The following KCNT2 variants were observed in gnomAD, a reference collection of about 807,000 sequenced individuals.
The protein encoded by KCNT2 is potassium channel subfamily T member 2.
KCNT2 carries 67 observed loss-of-function variants against 153.8 expected under a neutral mutation model. That is an observed-to-expected ratio of 0.44 (90% CI 0.36 to 0.53). The LOEUF (loss-of-function observed/expected upper bound fraction) is 0.53. Among genes scored for constraint, KCNT2 ranks in the 20% least tolerant of loss-of-function variants. KCNT2 has a pLI of 0.00. For missense variants in KCNT2, 975 were observed against 1,354.8 expected, an observed-to-expected ratio of 0.72 and a Z score of 4.40; for synonymous variants, 500 against 458.8, an observed-to-expected ratio of 1.09 and a Z score of -1.15.
At chr1:196,318,927 A>T (rs905849823) in intron 20 of KCNT2, among the ~76,000 whole-genome samples, 20 of 151,674 alleles carry the variant, frequency 1.3e-4, no homozygotes, top group African/African-American at 4.3e-4. Context: ...TTTTATTTTT[A>T]TATATATTTT....
intron 1 of KCNT2, among the ~76,000 whole-genome samples, chr1:196,562,649 G>T (rs1201970582): frequency 1.3e-5 from 2 of 151,600 alleles, no homozygotes; most frequent in Admixed American, 1.3e-4. Context: ...TAATAAATTG[G>T]TCATGATATC....
At chr1:196,578,482 T>C (rs1661636463) in intron 1 of KCNT2, among the ~76,000 whole-genome samples, 1 of 152,096 alleles carries the variant, frequency 6.6e-6, no homozygotes, top group South Asian at 2.1e-4. Context: ...CACAGAGCAC[T>C]GGAGGATGAA....
At chr1:196,426,991 A>T (rs1673711448) in intron 10 of KCNT2, among the ~76,000 whole-genome samples, 1 of 152,024 alleles carries the variant, frequency 6.6e-6, no homozygotes, top group South Asian at 2.1e-4. Context: ...ATCGTAAGCC[A>T]ATTAAATCTC....
chr1:196,326,643 C>T (rs894067049), intron 19 of KCNT2, 74 bp downstream of exon 19: 20 of 773,198 alleles, frequency 2.6e-5, no homozygotes, highest in Non-Finnish European at 5.9e-6. Flanking sequence ...ATATTACAGG[C>T]AATTATTTTT....
intron 13 of KCNT2, among the ~76,000 whole-genome samples, chr1:196,385,871 A>G (rs1669935406): frequency 6.6e-6 from 1 of 152,020 alleles, no homozygotes; most frequent in African/African-American, 2.4e-5. Flanking sequence ...GGATTGCCCC[A>G]AATAACTCTT....
intron 1 of KCNT2, among the ~76,000 whole-genome samples, chr1:196,562,403 C>T (rs903441044): frequency 3.3e-5 from 5 of 151,800 alleles, no homozygotes; most frequent in South Asian, 2.1e-4. Flanking sequence ...ACCTCCTTAC[C>T]ATCATGGCCT....
chr1:196,439,808 T>C (rs1675061966), intron 8 of KCNT2, among the ~76,000 whole-genome samples: 1 of 151,902 alleles, frequency 6.6e-6, no homozygotes. Context: ...TCCAAAACAA[T>C]AGTAATATGG....
chr1:196,493,867 TTTG>T (rs1224962397), intron 1 of KCNT2, among the ~76,000 whole-genome samples: 1 of 135,400 alleles, frequency 7.4e-6, no homozygotes, highest in Non-Finnish European at 1.8e-5. Context: ...TCTGACTTAC[TTTG>T]TTTTTTCTTC....
chr1:196,280,812 A>G (rs200667244), intron 25 of KCNT2, 48 bp downstream of exon 25: 2 of 1,515,618 alleles, frequency 1.3e-6, no homozygotes, highest in Non-Finnish European at 1.8e-6. Context: ...GAATGATTGC[A>G]CTCATCAGAT....
rs1665705964 is a variant in KCNT2, at chr1:196,342,240, G to GCACACACACATA, written c.1404-24_1404-13dup. Reference sequence around the variant, plus strand: ...ATTGCTGGCCTTCTCTGCAACACAGGCACACACACATACACACACACAAAA... The same window carrying GCACACACACATA: ...ATTGCTGGCCTTCTCTGCAACACAGGCACACACACATACACACACACATACACACACACAAAA... On this transcript the variant is annotated splice_polypyrimidine_tract_variant and intron_variant, in intron 14 of 27. Transcript: ENST00000294725. The GCACACACACATA allele has an allele frequency of 1.0e-5, 16 of 1,606,204 alleles. No individual in the cohort carries two copies. The highest frequency in any genetic ancestry group is 1.3e-5 in the Non-Finnish European group (15 of 1,176,006).
At chr1:196,502,532 T>C (rs1680787415) in intron 1 of KCNT2, among the ~76,000 whole-genome samples, 1 of 152,138 alleles carries the variant, frequency 6.6e-6, no homozygotes, top group South Asian at 2.1e-4. Flanking sequence ...GGAAATAAAA[T>C]GGGATAAATA....
Position 196,269,357 on chromosome 1 carries a change from ATG to A in KCNT2, c.2911-10865_2911-10864del, listed in dbSNP as rs142861067. 8.9e-3 allele frequency among the ~76,000 whole-genome samples: 1,331 copies of A among 150,252 alleles called. 13 individuals are homozygous for A. Among genetic ancestry groups the A allele is most frequent in the African/African-American group, 0.021 (871 of 41,164 alleles). Reference sequence around the variant, plus strand: ...GGTTTCAACATGCGAGTGTGTGTATATGTGTGTGTGTGTGTGTGCATGTACGT... The same window carrying A: ...GGTTTCAACATGCGAGTGTGTGTATATGTGTGTGTGTGTGTGCATGTACGT... On this transcript the variant is annotated intron_variant, in intron 25 of 27. Coordinates refer to ENST00000294725, the MANE Select transcript of KCNT2 (RefSeq NM_198503.5).
chr1:196,537,184 A>C (rs769926843), intron 1 of KCNT2, among the ~76,000 whole-genome samples: 6 of 152,194 alleles, frequency 3.9e-5, no homozygotes, highest in Non-Finnish European at 8.8e-5. Flanking sequence ...CAAGGGGAGC[A>C]TTGCCACTTC....
At chr1:196,393,121 T>A (rs1030280124) in intron 13 of KCNT2, among the ~76,000 whole-genome samples, 1 of 151,472 alleles carries the variant, frequency 6.6e-6, no homozygotes, top group African/African-American at 2.4e-5. Flanking sequence ...AAGGGTAGCC[T>A]CTGGACTAAA....
chr1:196,307,345 A>G (rs950572380), intron 21 of KCNT2, among the ~76,000 whole-genome samples: 1 of 152,130 alleles, frequency 6.6e-6, no homozygotes, highest in African/African-American at 2.4e-5. Flanking sequence ...CTACGAAATC[A>G]CTACCAATAT....
At chr1:196,309,448 A>C (rs1661949720) in intron 21 of KCNT2, among the ~76,000 whole-genome samples, 1 of 151,916 alleles carries the variant, frequency 6.6e-6, no homozygotes, top group South Asian at 2.1e-4. Flanking sequence ...CAGTCCTTGT[A>C]TTTGAGTGGC....
chr1:196,344,593 CT>C (rs60971075), intron 14 of KCNT2, among the ~76,000 whole-genome samples: 1,966 of 152,216 alleles, frequency 0.013, 42 homozygotes, highest in African/African-American at 0.045. Context: ...TGAGATGGTG[CT>C]GGTAATTCAT....
At chr1:196,568,549 T>C (rs570295976) in intron 1 of KCNT2, among the ~76,000 whole-genome samples, 2 of 147,116 alleles carry the variant, frequency 1.4e-5, no homozygotes, top group Admixed American at 6.9e-5. Flanking sequence ...TGAGCAGAGA[T>C]CGCGCCACTG....
Position 196,429,583 on chromosome 1 carries a change from G to A in KCNT2, c.813C>T (p.Pro271=). Residue 271 remains proline, a synonymous_variant, in exon 9 of 28, where the codon CCC becomes CCT. Coordinates refer to ENST00000294725, the MANE Select transcript of KCNT2 (RefSeq NM_198503.5). ...AMICVALVVL[P]IQFEQLAYLW... is the part of the protein sequence containing the mutation. ...ATAAGATGGTTTTGTTTACCTGTATGGGTAGAACCACAAGAGCAACACAAA... is the reference window on the plus strand; with the variant it reads ...ATAAGATGGTTTTGTTTACCTGTATAGGTAGAACCACAAGAGCAACACAAA... 6.2e-7 allele frequency: 1 copy of A among 1,606,702 alleles called. No individual in the cohort carries two copies. Among genetic ancestry groups the A allele is most frequent in the South Asian group, 1.1e-5 (1 of 89,870 alleles).
Sources: gnomAD v4.1 joint callset for allele counts (sites outside exome capture counted in the v4.1 genomes callset) on GRCh38, gnomAD v4.1.1 for gene constraint, MANE v1.5 for transcripts, NCBI Gene and HGNC (gene_info 2026-07-23, HGNC 2026-07-21) for gene names.